Variants in OPCML observed in about 807,000 individuals in gnomAD.
OPCML encodes opioid binding protein/cell adhesion molecule like.
A neutral mutation model predicts 37.8 loss-of-function variants in OPCML; 13 were observed. That is an observed-to-expected ratio of 0.34 (90% confidence interval 0.22 to 0.55). OPCML has a LOEUF of 0.55. Among genes scored for constraint, OPCML ranks in the 20% least tolerant of loss-of-function variants. The pLI is 0.91. For missense variants in OPCML, 341 were observed against 435.6 expected, an observed-to-expected ratio of 0.78 and a Z score of 1.93; for synonymous variants, 176 against 168.8, an observed-to-expected ratio of 1.04 and a Z score of -0.33.
intron 1 of OPCML, among the ~76,000 whole-genome samples, chr11:133,497,675 C>T (rs1947814539): frequency 6.6e-6 from 1 of 152,144 alleles, no homozygotes; most frequent in South Asian, 2.1e-4. Flanking sequence ...ACACAGCCAG[C>T]TCAGTCCAGC....
intron 1 of OPCML, among the ~76,000 whole-genome samples, chr11:132,948,251 C>T (rs1945788522): frequency 6.6e-6 from 1 of 152,326 alleles, no homozygotes; most frequent in South Asian, 2.1e-4. Flanking sequence ...TGCTGGACCA[C>T]ATGGGGAGGC....
At chr11:133,497,655 C>T (rs183028576) in intron 1 of OPCML, among the ~76,000 whole-genome samples, 3 of 152,026 alleles carry the variant, frequency 2.0e-5, no homozygotes, top group South Asian at 2.1e-4. Context: ...TTTGAGTATG[C>T]GTACAGAGCA....
chr11:132,427,162 A>C lies in OPCML; in HGVS notation c.917-6869T>G, dbSNP rs568765652. Among the ~76,000 whole-genome samples, 102 of 152,356 alleles carry C rather than the reference A, an allele frequency of 6.7e-4. No homozygotes were observed. The Middle Eastern group carries it at 0.014, about 20-fold the overall frequency. On this transcript the variant is annotated intron_variant, in intron 7 of 7. Coordinates refer to ENST00000524381, the MANE Select transcript of OPCML (RefSeq NM_001012393.5). ...ACCACACTAAAAAAGAAAAGAAAAA[A>C]AAAGCCCCTAGGCAAGTTGAGCTTG... is the stretch of plus-strand genomic sequence containing the variant.
chr11:133,229,555 C>T (rs1427953965), intron 1 of OPCML, among the ~76,000 whole-genome samples: 1 of 152,060 alleles, frequency 6.6e-6, no homozygotes, highest in Non-Finnish European at 1.5e-5. Flanking sequence ...CAATGCATCC[C>T]ACCATGCATT....
At chr11:132,612,621 G>A (rs1938724227) in intron 3 of OPCML, among the ~76,000 whole-genome samples, 1 of 152,106 alleles carries the variant, frequency 6.6e-6, no homozygotes, top group Non-Finnish European at 1.5e-5. Context: ...AGAAAAAAAT[G>A]GGTCAAATTG....
At chr11:132,556,328 A>G (rs147676263) in intron 3 of OPCML, among the ~76,000 whole-genome samples, 11 of 152,288 alleles carry the variant, frequency 7.2e-5, no homozygotes, top group African/African-American at 2.4e-5. Context: ...ATAGGGGTCT[A>G]TCTTACTTGA....
intron 1 of OPCML, among the ~76,000 whole-genome samples, chr11:133,518,042 G>A (rs934642270): frequency 6.6e-6 from 1 of 152,208 alleles, no homozygotes; most frequent in Non-Finnish European, 1.5e-5. Flanking sequence ...ATTACAGAGA[G>A]ACAGCCTCCA....
intron 4 of OPCML, among the ~76,000 whole-genome samples, chr11:132,527,162 A>AC (rs150462432): frequency 0.031 from 4,714 of 152,246 alleles, 250 homozygotes; most frequent in African/African-American, 0.11. Context: ...CGTCGTTTAC[A>AC]GCTATTATTA....
intron 2 of OPCML, among the ~76,000 whole-genome samples, chr11:132,745,731 C>A (rs1192432183): frequency 6.6e-6 from 1 of 152,074 alleles, no homozygotes; most frequent in African/African-American, 2.4e-5. Flanking sequence ...AATGTGTGAG[C>A]GCAGTGTAAT....
At chr11:132,721,586 G>A (rs1203907891) in intron 2 of OPCML, among the ~76,000 whole-genome samples, 1 of 152,128 alleles carries the variant, frequency 6.6e-6, no homozygotes, top group Non-Finnish European at 1.5e-5. Context: ...GAAGTGTTAC[G>A]ATTCAGCTGC....
At chr11:133,422,563 C>G (rs1254886499) in intron 1 of OPCML, 2 of 952,530 alleles carry the variant, frequency 2.1e-6, no homozygotes, top group Non-Finnish European at 2.5e-6. Flanking sequence ...TGCAGCGGTG[C>G]GAACATGCTC....
intron 2 of OPCML, among the ~76,000 whole-genome samples, chr11:132,922,521 G>A (rs1354551609): frequency 6.6e-6 from 1 of 151,982 alleles, no homozygotes; most frequent in East Asian, 1.9e-4. Context: ...GGAAAGAGGA[G>A]GGCGGCAGAG....
chr11:132,700,158 T>C (rs1943751191), intron 2 of OPCML, among the ~76,000 whole-genome samples: 1 of 152,100 alleles, frequency 6.6e-6, no homozygotes, highest in Non-Finnish European at 1.5e-5. Flanking sequence ...TTGTGTACTC[T>C]TTGATTTATA....
intron 2 of OPCML, among the ~76,000 whole-genome samples, chr11:132,851,777 C>T (rs565798036): frequency 6.6e-6 from 1 of 152,130 alleles, no homozygotes; most frequent in East Asian, 1.9e-4. Flanking sequence ...AGTGTCTTGC[C>T]CAGTAACACC....
intron 2 of OPCML, among the ~76,000 whole-genome samples, chr11:132,902,399 C>T (rs562947584): frequency 6.6e-6 from 1 of 152,254 alleles, no homozygotes; most frequent in South Asian, 2.1e-4. Flanking sequence ...ACGTGCTCAG[C>T]ATAGTGTCTG....
chr11:133,117,720 A>G (rs984872540), intron 1 of OPCML: 1 of 883,142 alleles, frequency 1.1e-6, no homozygotes, highest in African/African-American at 1.8e-5. Context: ...AAAAAGTATT[A>G]TCAACTGTAG....
chr11:133,135,761 C>T (rs1949680078), intron 1 of OPCML, among the ~76,000 whole-genome samples: 1 of 152,140 alleles, frequency 6.6e-6, no homozygotes, highest in Admixed American at 6.5e-5. Context: ...AAAGTAGCGT[C>T]CTTTTTCCAC....
At chr11:132,796,687 C>T (rs1244367302) in intron 2 of OPCML, among the ~76,000 whole-genome samples, 1 of 150,974 alleles carries the variant, frequency 6.6e-6, no homozygotes, top group East Asian at 2.0e-4. Flanking sequence ...CGTTCTCCTG[C>T]CTCGGCCTCC....
At chr11:133,359,307 A>C (rs1421114779) in intron 1 of OPCML, among the ~76,000 whole-genome samples, 1 of 152,138 alleles carries the variant, frequency 6.6e-6, no homozygotes, top group Non-Finnish European at 1.5e-5. Flanking sequence ...CTGATGCAAA[A>C]TATTCCCTCT....
Sources: allele counts gnomAD v4.1 joint callset (sites outside exome capture counted in the v4.1 genomes callset), GRCh38; gene constraint gnomAD v4.1.1; transcripts MANE v1.5; gene names NCBI Gene and HGNC (gene_info 2026-07-23, HGNC 2026-07-21).